MCF2L2: variants seen among roughly 807,000 people sequenced by gnomAD.
MCF2L2 encodes probable guanine nucleotide exchange factor MCF2L2.
In MCF2L2, 102 loss-of-function variants were observed where a neutral mutation model predicts 150.2. The observed-to-expected ratio is 0.68, with a 90% CI of 0.58 to 0.80. MCF2L2 has a LOEUF of 0.80. MCF2L2 is among the 30% of genes least tolerant of loss of function. MCF2L2 has a pLI of 0.00. For missense variants in MCF2L2, 1,256 were observed against 1,372.8 expected (o/e 0.91, Z 1.34); for synonymous variants, 465 against 491.3 (o/e 0.95, Z 0.71).
At chr3:183,247,140 A>T (rs1396161580) in intron 15 of MCF2L2, among the ~76,000 whole-genome samples, 1 of 152,222 alleles carries the variant, frequency 6.6e-6, no homozygotes, top group Non-Finnish European at 1.5e-5. Context: ...ACAGAAGAGC[A>T]AGTCAGGGCT....
At position 183,220,074 on chromosome 3, in the gene MCF2L2, G is replaced by T. The variant is rs1030499247; in HGVS notation, c.2302-150C>A. The T allele has an allele frequency of 1.4e-5, 9 of 626,264 alleles. No individual in the cohort carries two copies. In the African/African-American group the frequency reaches 1.7e-4, roughly 12 times the overall value. 38.8% of individuals were successfully genotyped at this position (626,264 alleles called of 1,614,324 possible). ...AATGTGTAAGAGGGAAAGAATAAAT[G>T]ATGTATTTGGCACAGGGTCCTTTCC... On this transcript the variant is annotated intron_variant, in intron 20 of 29. Coordinates refer to ENST00000328913, the MANE Select transcript of MCF2L2 (RefSeq NM_015078.4).
At chr3:183,311,325 A>G (rs568701628) in intron 8 of MCF2L2, among the ~76,000 whole-genome samples, 36 of 151,810 alleles carry the variant, frequency 2.4e-4, no homozygotes, top group African/African-American at 8.7e-4. Context: ...TTTCTACCTG[A>G]GACTACACGA....
At chr3:183,262,643 G>A (rs1285456236) in intron 15 of MCF2L2, among the ~76,000 whole-genome samples, 2 of 151,760 alleles carry the variant, frequency 1.3e-5, no homozygotes, top group Non-Finnish European at 2.9e-5. Flanking sequence ...GGCCCAGAAG[G>A]GGAGGAGGAG....
At chr3:183,289,779 C>G (rs2108480354) in intron 13 of MCF2L2, among the ~76,000 whole-genome samples, 1 of 152,318 alleles carries the variant, frequency 6.6e-6, no homozygotes, top group South Asian at 2.1e-4. Context: ...TCACTTGAAC[C>G]TGGGAGGCGG....
At chr3:183,365,836 T>C (rs768145262) in intron 3 of MCF2L2, among the ~76,000 whole-genome samples, 3 of 151,906 alleles carry the variant, frequency 2.0e-5, no homozygotes, top group South Asian at 2.1e-4. Flanking sequence ...AGAAAAACAT[T>C]TGCAATATAC....
At chr3:183,390,512 A>C (rs1485567860) in intron 1 of MCF2L2, among the ~76,000 whole-genome samples, 1 of 152,102 alleles carries the variant, frequency 6.6e-6, no homozygotes, top group African/African-American at 2.4e-5. Context: ...GGGGAAAAGG[A>C]ATTAGAGAGA....
At chr3:183,224,225 C>A (rs1723263076) in intron 18 of MCF2L2, 35 bp from the exon 19 acceptor site, 2 of 1,326,994 alleles carry the variant, frequency 1.5e-6, no homozygotes, top group African/African-American at 2.9e-5. Context: ...ATTAATCAGG[C>A]AGCATTTTTC....
intron 7 of MCF2L2, among the ~76,000 whole-genome samples, chr3:183,314,606 C>A (rs1332530319): frequency 6.6e-6 from 1 of 151,978 alleles, no homozygotes; most frequent in Non-Finnish European, 1.5e-5. Flanking sequence ...CAAGCCAAAT[C>A]CCCTAAGCTG....
chr3:183,278,772 C>G (rs1285222483), intron 14 of MCF2L2, among the ~76,000 whole-genome samples: 2 of 152,112 alleles, frequency 1.3e-5, no homozygotes, highest in African/African-American at 4.8e-5. Context: ...TCATAATAAC[C>G]TAGTGATGGA....
chr3:183,336,607 G>A (rs1001187189), intron 5 of MCF2L2, among the ~76,000 whole-genome samples: 3 of 151,898 alleles, frequency 2.0e-5, no homozygotes, highest in Admixed American at 1.3e-4. Context: ...CAGCACTTTG[G>A]GAGGCTGAGG....
At chr3:183,256,772 G>A (rs1004743343) in intron 15 of MCF2L2, among the ~76,000 whole-genome samples, 1 of 152,156 alleles carries the variant, frequency 6.6e-6, no homozygotes, top group Admixed American at 6.5e-5. Flanking sequence ...TCTTACTTTA[G>A]AGGACCATAT....
chr3:183,351,190 G>GTGTATGTATATA (rs1491563903), intron 3 of MCF2L2, among the ~76,000 whole-genome samples: 2 of 38,844 alleles, frequency 5.1e-5, no homozygotes, highest in African/African-American at 1.7e-4. Context: ...ATTTTCTTAA[G>GTGTATGTATATA]TATATATATA....
intron 15 of MCF2L2, among the ~76,000 whole-genome samples, chr3:183,266,659 GCCA>G (rs969015053): frequency 3.9e-5 from 6 of 152,178 alleles, no homozygotes; most frequent in Admixed American, 3.9e-4. Context: ...TTAGGCAGAT[GCCA>G]CCATCAGAAA....
At chr3:183,213,104 C>T (rs969098630) in intron 22 of MCF2L2, among the ~76,000 whole-genome samples, 2 of 152,064 alleles carry the variant, frequency 1.3e-5, no homozygotes, top group African/African-American at 4.8e-5. Context: ...TCACAATGAA[C>T]TTACAATACA....
intron 15 of MCF2L2, chr3:183,273,119 C>G: frequency 1.0e-6 from 1 of 997,712 alleles, no homozygotes; most frequent in Non-Finnish European, 1.4e-6. Flanking sequence ...CTTTTTGGTG[C>G]TCCAGTGTAG....
intron 15 of MCF2L2, among the ~76,000 whole-genome samples, chr3:183,259,973 C>T (rs1384842419): frequency 6.6e-6 from 1 of 152,182 alleles, no homozygotes; most frequent in Non-Finnish European, 1.5e-5. Flanking sequence ...AGCAAATTCT[C>T]ATCCATCTTG....
rs1392523318 is a variant in MCF2L2, at chr3:183,351,212, A to G, written c.276-9582T>C. On this transcript the variant is annotated intron_variant, in intron 3 of 29. Transcript: ENST00000328913. Reference sequence around the variant, plus strand: ...TAAGTATATATATATATATATATATATATATATATATATATATATATATAT... The same window carrying G: ...TAAGTATATATATATATATATATATGTATATATATATATATATATATATAT... Among the ~76,000 whole-genome samples, 227 of 82,080 alleles carry G rather than the reference A, an allele frequency of 2.8e-3. 9 individuals carry two copies. Among genetic ancestry groups the G allele is most frequent in the Middle Eastern group, 0.016 (3 of 184 alleles). 53.8% of individuals were successfully genotyped at this position (82,080 alleles called of 152,430 possible). A position where few individuals can be genotyped will look rare whatever the true frequency, so the allele number is the denominator to read the frequency against.
intron 15 of MCF2L2, among the ~76,000 whole-genome samples, chr3:183,234,405 T>G (rs34389664): frequency 0.33 from 49,816 of 151,958 alleles, 8,459 homozygotes; most frequent in African/African-American, 0.41. Flanking sequence ...TTCACATCTC[T>G]GAAGGAAAAG....
chr3:183,263,711 T>A (rs1240806616), intron 15 of MCF2L2, among the ~76,000 whole-genome samples: 1 of 152,176 alleles, frequency 6.6e-6, no homozygotes, highest in Admixed American at 6.5e-5. Context: ...TACCTTCTTG[T>A]CTCTCCATCG....
Sources: allele counts gnomAD v4.1 joint callset (sites outside exome capture counted in the v4.1 genomes callset), GRCh38; gene constraint gnomAD v4.1.1; transcripts MANE v1.5; gene names NCBI Gene and HGNC (gene_info 2026-07-23, HGNC 2026-07-21).